Variants in ATR observed in about 807,000 individuals in gnomAD.
The protein encoded by ATR is ATR checkpoint kinase, also known as serine/threonine-protein kinase ATR.
A neutral mutation model predicts 305.3 loss-of-function variants in ATR; 142 were observed. That is an observed-to-expected ratio of 0.47 (90% confidence interval 0.41 to 0.53). The LOEUF (loss-of-function observed/expected upper bound fraction) is 0.53, where lower values mean the gene tolerates loss of function less well. ATR is among the 20% of genes least tolerant of loss of function. The pLI is 0.00. For missense variants in ATR, 2,135 were observed against 3,133.1 expected (o/e 0.68, Z 7.60); for synonymous variants, 1,050 against 1,068.1 (o/e 0.98, Z 0.33).
In ATR at chr3:142,505,223, T is replaced by C. The variant is rs1161983712; in HGVS notation, c.5112A>G (p.Glu1704=). The C allele has an allele frequency of 6.2e-7, 1 of 1,614,150 alleles. No homozygotes were observed. Among genetic ancestry groups the C allele is most frequent in the Admixed American group, 1.7e-5 (1 of 60,020 alleles). The change falls in exon 29 of 47, where the codon GAA becomes GAG. Residue 1704 remains glutamate (E), a synonymous_variant. Coordinates refer to ENST00000350721, the MANE Select transcript of ATR (RefSeq NM_001184.4). The part of the protein sequence containing the change: ...AIRKAEPSLK[E]QILEHESLGL... ...CAAGGCTTTCATGTTCAAGGATCTG[T>C]TCTTTTAGAGATGGTTCTGCCTTTC...
Position 142,449,541 on chromosome 3 carries a change from C to T in ATR, c.7823G>A (p.Arg2608Lys), listed in dbSNP as rs1349108610. ...AATAGATAACGGCAGTCCTGTCACT[C>T]TATTTCGAGTCTTGATTACACCTTG... ...RLQGVIKTRN[R>K]VTGLPLSIEG... Residue 2608 changes from arginine to lysine, a missense_variant, in exon 47 of 47, where the codon AGA (arginine) becomes AAA (lysine). Arg to Lys is a conservative substitution (Grantham distance 26). Around this residue, in one of 9 missense-constraint regions of ATR, gnomAD observed 462 missense variants for 887.6 expected, o/e 0.52. Transcript: ENST00000350721. The T allele has an allele frequency of 6.2e-7, 1 of 1,613,980 alleles. No individual in the cohort carries two copies. Among genetic ancestry groups the T allele is most frequent in the Non-Finnish European group, 8.5e-7 (1 of 1,179,968 alleles).
At chr3:142,550,842 C>T (rs1053322271) in intron 13 of ATR, among the ~76,000 whole-genome samples, 1 of 151,866 alleles carries the variant, frequency 6.6e-6, no homozygotes, top group African/African-American at 2.4e-5. Context: ...GGCTGGAATG[C>T]AGAGGTGCGA....
Position 142,499,614 on chromosome 3 carries a change from G to A in ATR, c.5380+13C>T. On this transcript the variant is annotated intron_variant, in intron 31 of 46. Transcript: ENST00000350721. ...CATCCTAAAACTGCTTATATTTTAAGAAGTAATTTTACCTGCTGCCAAATA... is the reference window on the plus strand; with the variant it reads ...CATCCTAAAACTGCTTATATTTTAAAAAGTAATTTTACCTGCTGCCAAATA... The A allele has an allele frequency of 6.2e-7, 1 of 1,612,442 alleles. No individual in the cohort carries two copies. The highest frequency in any genetic ancestry group is 1.3e-5 in the African/African-American group (1 of 74,992).
At chr3:142,453,940 G>T (rs1018412262) in intron 45 of ATR, among the ~76,000 whole-genome samples, 1 of 152,250 alleles carries the variant, frequency 6.6e-6, no homozygotes, top group South Asian at 2.1e-4. Context: ...TAGTTTTCTG[G>T]CTGTTGGCCC....
Position 142,541,038 on chromosome 3 carries a change from T to C in ATR, c.3451-4A>G, listed in dbSNP as rs761065177. 26 of 1,613,312 alleles carry C rather than the reference T, an allele frequency of 1.6e-5. No homozygotes were observed. The highest frequency in any genetic ancestry group is 3.3e-5 in the Admixed American group (2 of 59,932). The stretch of plus-strand genomic sequence containing the variant: ...AAGACATCAAACTGTTCAAGGCCTA[T>C]AGAGTTAAGTAGTGCTTCAGAGTAA... On this transcript the variant is annotated splice_polypyrimidine_tract_variant and splice_region_variant and intron_variant, in intron 17 of 46. Coordinates refer to ENST00000350721, the MANE Select transcript of ATR (RefSeq NM_001184.4).
chr3:142,505,334 A>C, intron 28 of ATR, 31 bp from the exon 29 acceptor site: 8 of 1,609,618 alleles, frequency 5.0e-6, no homozygotes, highest in Non-Finnish European at 6.8e-6. Context: ...ACAATCAAAA[A>C]CAAGAAAAAA....
Position 142,550,169 on chromosome 3 carries a change from T to C in ATR, c.2939A>G (p.Asn980Ser). ...MALNTLSEIANVFDFPDLNRF... is the reference protein window; with the variant it reads ...MALNTLSEIASVFDFPDLNRF... ...ATTAAGATCAGGAAAGTCGAAAACGTTGGCAATTTCAGACAACGTATTTAA... is the reference window on the plus strand; with the variant it reads ...ATTAAGATCAGGAAAGTCGAAAACGCTGGCAATTTCAGACAACGTATTTAA... Residue 980 changes from asparagine (N) to serine (S), a missense_variant, in exon 14 of 47, where the codon AAC (asparagine) becomes AGC (serine). This residue lies in a region of ATR where 530 missense variants were observed against 766.8 expected (regional missense o/e 0.69). Transcript: ENST00000350721. The C allele has an allele frequency of 1.2e-6, 2 of 1,614,168 alleles. No homozygotes were observed. Among genetic ancestry groups the C allele is most frequent in the Non-Finnish European group, 1.7e-6 (2 of 1,180,032 alleles).
At chr3:142,575,483 A>C (rs1263212553) in intron 1 of ATR, among the ~76,000 whole-genome samples, 1 of 151,754 alleles carries the variant, frequency 6.6e-6, no homozygotes, top group African/African-American at 2.4e-5. Context: ...AAAAAAAAAA[A>C]AAAGCAGGCT....
In ATR at chr3:142,540,906, G is replaced by T. The variant is rs2108437811; in HGVS notation, c.3579C>A (p.Cys1193Ter). ...AATAAACTCAGGCAGTCATTTACCT[G>T]CAACACAATTCAGGAAAATCATCCT... is the stretch of plus-strand genomic sequence containing the variant. ...RFKDDFPELC[C>*]RAWDCFVRCL... is the part of the protein sequence containing the mutation. The change falls in exon 18 of 47, where the codon TGC (cysteine) becomes TGA (stop). Residue 1193 changes from cysteine (C) to a stop codon, truncating the protein, a stop_gained and splice_region_variant. Coordinates refer to ENST00000350721, the MANE Select transcript of ATR (RefSeq NM_001184.4). LOFTEE classifies it high-confidence loss of function. The T allele has an allele frequency of 6.2e-7, 1 of 1,608,992 alleles. No individual in the cohort carries two copies. Among genetic ancestry groups the T allele is most frequent in the Non-Finnish European group, 8.5e-7 (1 of 1,177,460 alleles).
In ATR at chr3:142,550,253, G is replaced by A. The variant is rs373166002; in HGVS notation, c.2855C>T (p.Thr952Ile). ...TCGCACGTCAGCATTCTGGCATGGA[G>A]TATTCGGAAGTGCTGTCATCTGACT... ...HSSQMTALPN[T>I]PCQNADVRKQ... Residue 952 changes from threonine (T) to isoleucine (I), a missense_variant, in exon 14 of 47, where the codon ACT (threonine) becomes ATT (isoleucine). By Grantham distance (89) the Thr-to-Ile change is moderately conservative. Transcript: ENST00000350721. The A allele has an allele frequency of 8.7e-6, 14 of 1,614,018 alleles. No individual in the cohort carries two copies. Among genetic ancestry groups the A allele is most frequent in the Non-Finnish European group, 1.1e-5 (13 of 1,179,992 alleles).
chr3:142,483,635 G>A (rs1337850015), intron 36 of ATR, among the ~76,000 whole-genome samples: 3 of 151,928 alleles, frequency 2.0e-5, no homozygotes, highest in Admixed American at 6.6e-5. Flanking sequence ...TCAGGAGTTC[G>A]AGACCAGCCT....
chr3:142,494,949 G>A (rs2031498340), intron 34 of ATR, among the ~76,000 whole-genome samples: 1 of 152,160 alleles, frequency 6.6e-6, no homozygotes, highest in South Asian at 2.1e-4. Flanking sequence ...ATAAGTTAAA[G>A]CAGTGGAAAT....
chr3:142,479,284 T>C (rs1179482661), intron 36 of ATR, among the ~76,000 whole-genome samples: 1 of 152,206 alleles, frequency 6.6e-6, no homozygotes, highest in Non-Finnish European at 1.5e-5. Flanking sequence ...ACAGGCCTGG[T>C]GGTGACAAAA....
At chr3:142,498,334 A>G (rs2108339527) in intron 32 of ATR, among the ~76,000 whole-genome samples, 1 of 152,358 alleles carries the variant, frequency 6.6e-6, no homozygotes, top group South Asian at 2.1e-4. Context: ...GTTATATAGA[A>G]AGCAAACTAT....
rs1302753114 is a variant in ATR, at chr3:142,540,928, T to A, written c.3557A>T (p.Asp1186Val). The A allele has an allele frequency of 6.2e-7, 1 of 1,612,748 alleles. No homozygotes were observed. Among genetic ancestry groups the A allele is most frequent in the Non-Finnish European group, 8.5e-7 (1 of 1,179,440 alleles). Reference protein sequence around the residue: ...TTLRTGLRFKDDFPELCCRAW... With the variant: ...TTLRTGLRFKVDFPELCCRAW... ...CCTGCAACACAATTCAGGAAAATCA[T>A]CCTTGAATCGAAGGCCAGTTCTCAG... Residue 1186 changes from aspartate to valine, a missense_variant, in exon 18 of 47, where the codon GAT becomes GTT. This residue lies in a region of ATR where 530 missense variants were observed against 766.8 expected (regional missense o/e 0.69). Transcript: ENST00000350721.
intron 36 of ATR, among the ~76,000 whole-genome samples, chr3:142,476,630 G>A (rs1351726691): frequency 6.6e-6 from 1 of 152,162 alleles, no homozygotes. Context: ...ATTCTGTGAA[G>A]AAAGTCATTG....
chr3:142,548,421 C>T (rs2034349355), intron 15 of ATR, among the ~76,000 whole-genome samples: 1 of 152,162 alleles, frequency 6.6e-6, no homozygotes, highest in African/African-American at 2.4e-5. Context: ...GTAATTCCAG[C>T]ACTTTGGGAG....
At chr3:142,496,986 A>T in intron 33 of ATR, 27 bp downstream of exon 33, 1 of 1,601,838 alleles carries the variant, frequency 6.2e-7, no homozygotes, top group Non-Finnish European at 8.5e-7. Flanking sequence ...GATAAGTGAC[A>T]TTTTTAAAAA....
rs532050696 is a variant in ATR, at chr3:142,480,826, C to T, written c.6221+4314G>A. Among the ~76,000 whole-genome samples the T allele has an allele frequency of 1.8e-4, 27 of 152,304 alleles. 1 individual carries two copies. The highest frequency in any genetic ancestry group is 1.4e-3 in the South Asian group (7 of 4,830). ...CCAGCCTTGCTGCCGCCTTGCAGTT[C>T]GATCTCAGACTGCTATGCTAGCAAT... On this transcript the variant is annotated intron_variant, in intron 36 of 46. Coordinates refer to ENST00000350721, the MANE Select transcript of ATR (RefSeq NM_001184.4).
Sources: allele counts gnomAD v4.1 joint callset (sites outside exome capture counted in the v4.1 genomes callset), GRCh38; gene constraint gnomAD v4.1.1; regional missense constraint gnomAD v4.1.1; transcripts MANE v1.5; gene names NCBI Gene and HGNC (gene_info 2026-07-23, HGNC 2026-07-21).